The following EFNA5 variants were observed in gnomAD, a reference collection of about 807,000 sequenced individuals.
EFNA5 encodes ephrin A5, also known as ephrin-A5.
In EFNA5, 5 loss-of-function variants were observed where a neutral mutation model predicts 22.9. The ratio of observed to expected loss-of-function variants is 0.22; its 90% CI spans 0.11 to 0.46. EFNA5 has a LOEUF of 0.46. EFNA5 is among the 20% of genes least tolerant of loss of function. The pLI is 0.99. For missense variants in EFNA5, 237 were observed against 293.3 expected (o/e 0.81, Z 1.40); for synonymous variants, 113 against 112.2 (o/e 1.01, Z -0.04).
intron 1 of EFNA5, among the ~76,000 whole-genome samples, chr5:107,603,400 A>G (rs565083699): frequency 6.6e-6 from 1 of 152,350 alleles, no homozygotes; most frequent in South Asian, 2.1e-4. Context: ...TCTAAGTGAC[A>G]GGATAAATCA....
At position 107,670,819 on chromosome 5, in the gene EFNA5, T is replaced by G. The variant is rs2112567936; in HGVS notation, c.-206A>C. The G allele has an allele frequency of 8.0e-6, 5 of 627,350 alleles. No individual in the cohort carries two copies. The highest frequency in any genetic ancestry group is 1.3e-5 in the Non-Finnish European group (5 of 372,360). The allele number at this position is 627,350 out of a possible 1,614,324, so 38.9% of individuals were successfully genotyped here. ...GCGAGAAGAAAAGAAGGCGGTGGGA[T>G]GGGGGGTGATAAAGACAAACTCGCA... is the stretch of plus-strand genomic sequence containing the variant. On this transcript the variant is annotated 5_prime_UTR_variant, in exon 1 of 5. Coordinates refer to ENST00000333274, the MANE Select transcript of EFNA5 (RefSeq NM_001962.3).
At chr5:107,614,103 G>A (rs1452555496) in intron 1 of EFNA5, among the ~76,000 whole-genome samples, 1 of 152,078 alleles carries the variant, frequency 6.6e-6, no homozygotes, top group Non-Finnish European at 1.5e-5. Flanking sequence ...ATCACACCCT[G>A]TGTAGTTTAC....
chr5:107,670,410 G>T, intron 1 of EFNA5, 79 bp downstream of exon 1: 2 of 1,464,962 alleles, frequency 1.4e-6, no homozygotes, highest in South Asian at 1.3e-5. Flanking sequence ...CGGTTGGTGC[G>T]CGCCGATCCC....
intron 1 of EFNA5, among the ~76,000 whole-genome samples, chr5:107,581,186 A>G (rs538210531): frequency 3.3e-5 from 5 of 152,350 alleles, no homozygotes; most frequent in Admixed American, 2.0e-4. Flanking sequence ...AACTGCATTA[A>G]TAACTTCCAG....
intron 1 of EFNA5, among the ~76,000 whole-genome samples, chr5:107,539,074 C>T (rs549617246): frequency 2.4e-4 from 37 of 152,292 alleles, no homozygotes; most frequent in Admixed American, 5.9e-4. Flanking sequence ...CCATTCATAC[C>T]CCAGAAAGTT....
rs1359996157 is a variant in EFNA5, at chr5:107,485,649, G to A, written c.126-58140C>T. Among the ~76,000 whole-genome samples, 5 of 152,230 alleles carry A rather than the reference G, an allele frequency of 3.3e-5. No homozygotes were observed. The East Asian group carries it at 9.7e-4, about 29-fold the overall frequency. On this transcript the variant is annotated intron_variant, in intron 1 of 4. Coordinates refer to ENST00000333274, the MANE Select transcript of EFNA5 (RefSeq NM_001962.3). ...AGATACTCACTTATTCTGTCTTTATGCTATGGGGAACTAATCGGAACTGGG... is the reference window on the plus strand; with the variant it reads ...AGATACTCACTTATTCTGTCTTTATACTATGGGGAACTAATCGGAACTGGG...
chr5:107,508,030 A>G (rs1354046307), intron 1 of EFNA5, among the ~76,000 whole-genome samples: 4 of 152,184 alleles, frequency 2.6e-5, no homozygotes, highest in African/African-American at 9.6e-5. Context: ...ACTAATTTTC[A>G]GGGAATTGTG....
At chr5:107,659,635 T>C (rs934204342) in intron 1 of EFNA5, among the ~76,000 whole-genome samples, 2 of 151,666 alleles carry the variant, frequency 1.3e-5, no homozygotes, top group Non-Finnish European at 2.9e-5. Flanking sequence ...ATGAAGTGAT[T>C]AGCTCTCAAA....
intron 1 of EFNA5, among the ~76,000 whole-genome samples, chr5:107,516,289 C>G (rs978184855): frequency 6.6e-6 from 1 of 151,404 alleles, no homozygotes; most frequent in African/African-American, 2.4e-5. Context: ...CCTCTCGCCT[C>G]GGCCTCCCAA....
chr5:107,624,147 A>C (rs2112531103), intron 1 of EFNA5, among the ~76,000 whole-genome samples: 1 of 152,262 alleles, frequency 6.6e-6, no homozygotes, highest in South Asian at 2.1e-4. Context: ...CTTAATAAGT[A>C]AAATGAGGAC....
chr5:107,669,787 G>A (rs932800688), intron 1 of EFNA5, among the ~76,000 whole-genome samples: 1 of 152,044 alleles, frequency 6.6e-6, no homozygotes, highest in Admixed American at 6.5e-5. Flanking sequence ...GACGTAACCC[G>A]GCATTAGATC....
intron 1 of EFNA5, among the ~76,000 whole-genome samples, chr5:107,478,127 T>C (rs1750360683): frequency 6.6e-6 from 1 of 152,196 alleles, no homozygotes; most frequent in African/African-American, 2.4e-5. Flanking sequence ...ATGTACCTCA[T>C]TACTCAGCTG....
At chr5:107,409,166 C>A (rs908465770) in intron 2 of EFNA5, among the ~76,000 whole-genome samples, 3 of 152,208 alleles carry the variant, frequency 2.0e-5, no homozygotes, top group Admixed American at 1.3e-4. Context: ...AATACTTACA[C>A]CACCCTAGGA....
At chr5:107,386,900 C>G (rs1747640309) in intron 4 of EFNA5, among the ~76,000 whole-genome samples, 1 of 152,086 alleles carries the variant, frequency 6.6e-6, no homozygotes, top group Non-Finnish European at 1.5e-5. Flanking sequence ...TACATGAAAA[C>G]AGATCCTTTA....
intron 1 of EFNA5, among the ~76,000 whole-genome samples, chr5:107,583,690 T>C (rs1396795374): frequency 6.6e-6 from 1 of 152,178 alleles, no homozygotes; most frequent in Non-Finnish European, 1.5e-5. Context: ...TCAGCACTGT[T>C]AGGGAAAATT....
At chr5:107,458,309 A>G (rs1342101518) in intron 1 of EFNA5, among the ~76,000 whole-genome samples, 1 of 152,146 alleles carries the variant, frequency 6.6e-6, no homozygotes, top group Non-Finnish European at 1.5e-5. Flanking sequence ...GTGGGGTACA[A>G]GGATGAATAG....
intron 1 of EFNA5, among the ~76,000 whole-genome samples, chr5:107,480,529 G>A (rs973100923): frequency 6.6e-6 from 1 of 152,196 alleles, no homozygotes; most frequent in Non-Finnish European, 1.5e-5. Flanking sequence ...CGCTGGCCTA[G>A]GCACTATATG....
intron 2 of EFNA5, among the ~76,000 whole-genome samples, chr5:107,401,305 C>T (rs999312284): frequency 1.3e-5 from 2 of 152,082 alleles, no homozygotes; most frequent in Non-Finnish European, 2.9e-5. Flanking sequence ...ATCTATTTTG[C>T]CGCTGCTTAG....
At chr5:107,622,696 T>G (rs1750059123) in intron 1 of EFNA5, among the ~76,000 whole-genome samples, 1 of 152,110 alleles carries the variant, frequency 6.6e-6, no homozygotes, top group Non-Finnish European at 1.5e-5. Context: ...TTCAGGTGGA[T>G]TGAATTTCAG....
Sources: gnomAD v4.1 joint callset for allele counts (sites outside exome capture counted in the v4.1 genomes callset) on GRCh38, gnomAD v4.1.1 for gene constraint, MANE v1.5 for transcripts, NCBI Gene and HGNC (gene_info 2026-07-23, HGNC 2026-07-21) for gene names.